The following ARID1B variants were observed in gnomAD, a reference collection of about 807,000 sequenced individuals.
ARID1B encodes AT-rich interactive domain-containing protein 1B.
A neutral mutation model predicts 212.3 loss-of-function variants in ARID1B; 30 were observed. The observed-to-expected ratio is 0.14, with a 90% confidence interval of 0.11 to 0.19. The LOEUF (loss-of-function observed/expected upper bound fraction) is 0.19, where lower values mean the gene tolerates loss of function less well. Ranked by LOEUF, ARID1B falls within the 10% of genes least tolerant of loss-of-function variation. ARID1B has a pLI of 1.00. For synonymous variants in ARID1B, 1,402 were observed against 1,301.7 expected (o/e 1.08, Z -1.66); for missense variants, 2,891 against 3,204.0 (o/e 0.90, Z 2.36).
intron 4 of ARID1B, among the ~76,000 whole-genome samples, chr6:157,061,372 GA>G (rs1247647408): frequency 2.6e-5 from 4 of 152,132 alleles, no homozygotes; most frequent in African/African-American, 9.7e-5. Flanking sequence ...GAATGGTACG[GA>G]GCACATGGAA....
intron 2 of ARID1B, among the ~76,000 whole-genome samples, chr6:156,829,957 G>A (rs1043292487): frequency 1.1e-4 from 17 of 152,022 alleles, no homozygotes; most frequent in African/African-American, 3.4e-4. Flanking sequence ...GATTTGATGT[G>A]CATCTGTTTT....
chr6:156,927,573 T>C (rs377402101), intron 3 of ARID1B, among the ~76,000 whole-genome samples: 1 of 152,186 alleles, frequency 6.6e-6, no homozygotes, highest in African/African-American at 2.4e-5. Context: ...TTCCAGTATA[T>C]TTTTACTGCA....
At chr6:157,100,606 G>T (rs1196103727) in intron 5 of ARID1B, among the ~76,000 whole-genome samples, 1 of 152,224 alleles carries the variant, frequency 6.6e-6, no homozygotes, top group Non-Finnish European at 1.5e-5. Flanking sequence ...TAGGACATTT[G>T]TTGAATGTAT....
chr6:156,931,167 G>A (rs1791678615), intron 3 of ARID1B, among the ~76,000 whole-genome samples: 1 of 133,790 alleles, frequency 7.5e-6, no homozygotes, highest in South Asian at 2.3e-4. Flanking sequence ...CTACAGCCTG[G>A]ACTACAGAGC....
chr6:157,056,541 G>A (rs375385464), intron 4 of ARID1B, among the ~76,000 whole-genome samples: 19 of 152,196 alleles, frequency 1.2e-4, no homozygotes, highest in Admixed American at 8.5e-4. Flanking sequence ...AGGATGTGCT[G>A]CGTTTCTGTT....
chr6:156,812,933 G>GGTGTGT (rs71027314), intron 1 of ARID1B, among the ~76,000 whole-genome samples: 34 of 89,428 alleles, frequency 3.8e-4, no homozygotes, highest in Middle Eastern at 5.9e-3. Flanking sequence ...TATAATCCTG[G>GGTGTGT]GTGTGTGTGT....
chr6:156,841,541 C>T (rs1307178427), intron 2 of ARID1B, among the ~76,000 whole-genome samples: 1 of 152,094 alleles, frequency 6.6e-6, no homozygotes, highest in Non-Finnish European at 1.5e-5. Context: ...GAGAAGTTGC[C>T]TCTGGATGAC....
At chr6:156,959,045 G>A (rs540644127) in intron 4 of ARID1B, among the ~76,000 whole-genome samples, 24 of 152,314 alleles carry the variant, frequency 1.6e-4, no homozygotes, top group Non-Finnish European at 2.8e-4. Flanking sequence ...AAGATTACAG[G>A]AAGGTTATTA....
intron 2 of ARID1B, among the ~76,000 whole-genome samples, chr6:156,865,566 C>CT (rs1396073254): frequency 6.6e-6 from 1 of 152,138 alleles, no homozygotes; most frequent in Non-Finnish European, 1.5e-5. Context: ...CCCACGTACT[C>CT]TGGCTCAATT....
intron 2 of ARID1B, among the ~76,000 whole-genome samples, chr6:156,897,504 C>G (rs944078516): frequency 6.6e-6 from 1 of 151,706 alleles, no homozygotes; most frequent in Non-Finnish European, 1.5e-5. Context: ...GAACTCCTGA[C>G]CTCAGTTGAT....
At chr6:156,874,360 G>A (rs558842671) in intron 2 of ARID1B, among the ~76,000 whole-genome samples, 2 of 152,290 alleles carry the variant, frequency 1.3e-5, no homozygotes, top group East Asian at 3.9e-4. Context: ...GAGCCACTGC[G>A]CTCAGCCATT....
At chr6:157,109,806 C>G (rs938454852) in intron 5 of ARID1B, among the ~76,000 whole-genome samples, 3 of 152,084 alleles carry the variant, frequency 2.0e-5, no homozygotes, top group East Asian at 1.9e-4. Flanking sequence ...AGATTCCTGT[C>G]TTAAGGAGTT....
rs138780995 is a variant in ARID1B at position 157,203,266 on chromosome 6, G to T, written c.5264-600G>T. Among the ~76,000 whole-genome samples, 720 of 152,258 alleles carry T rather than the reference G, an allele frequency of 4.7e-3. 3 individuals are homozygous for T. The highest frequency in any genetic ancestry group is 0.016 in the African/African-American group (673 of 41,534). On this transcript the variant is annotated intron_variant, in intron 18 of 19. Coordinates refer to ENST00000636930, the MANE Select transcript of ARID1B (RefSeq NM_001374828.1). The surrounding 1 kb of genome is among the most constrained non-coding windows in gnomAD (Gnocchi z 4.4). ...AAAACAACAAATTACTTCCCATTCT[G>T]TGGCTCCAGCCATACTCCTGAGAAA...
At chr6:156,973,284 A>AT (rs1237124518) in intron 4 of ARID1B, among the ~76,000 whole-genome samples, 4 of 151,604 alleles carry the variant, frequency 2.6e-5, no homozygotes, top group African/African-American at 7.3e-5. Flanking sequence ...CTTTTTTTTT[A>AT]TTTTTTGGTA....
At chr6:157,108,733 T>C (rs1393117933) in intron 5 of ARID1B, among the ~76,000 whole-genome samples, 1 of 152,328 alleles carries the variant, frequency 6.6e-6, no homozygotes, top group East Asian at 1.9e-4. Context: ...TAGTACTAAT[T>C]TACTACAAAT....
In ARID1B at chr6:156,971,598, T is replaced by C. The variant is rs73576098; in HGVS notation, c.2247+36022T>C. On this transcript the variant is annotated intron_variant, in intron 4 of 19. Coordinates refer to ENST00000636930, the MANE Select transcript of ARID1B (RefSeq NM_001374828.1). The stretch of plus-strand genomic sequence containing the variant: ...TATGGCTCAGGAATCTGGGCAGGCA[T>C]ACTGAATTCTCTGCCCAGAATCTCC... Among the ~76,000 whole-genome samples the C allele has an allele frequency of 3.6e-3, 552 of 152,286 alleles. 6 individuals are homozygous for C. The highest frequency in any genetic ancestry group is 0.012 in the African/African-American group (517 of 41,564).
At chr6:157,197,188 T>C (rs1046820756) in intron 16 of ARID1B, among the ~76,000 whole-genome samples, 1 of 152,194 alleles carries the variant, frequency 6.6e-6, no homozygotes, top group Non-Finnish European at 1.5e-5. Flanking sequence ...TAAGCAAGGT[T>C]TTCATATAAT....
chr6:157,075,568 C>A (rs1349694374), intron 4 of ARID1B, among the ~76,000 whole-genome samples: 1 of 152,180 alleles, frequency 6.6e-6, no homozygotes, highest in Admixed American at 6.5e-5. Flanking sequence ...CTTAGTGACT[C>A]CCTTCATGAG....
chr6:157,208,978 G>A lies in ARID1B; in HGVS notation c.*1087G>A, dbSNP rs893200736. The A allele has an allele frequency of 4.3e-6, 1 of 229,886 alleles. No individual in the cohort carries two copies. The highest frequency in any genetic ancestry group is 8.6e-6 in the Non-Finnish European group (1 of 116,308). The allele number at this position is 229,886 out of a possible 1,614,324, so 14.2% of individuals were successfully genotyped here. A position where few individuals can be genotyped will look rare whatever the true frequency, so the allele number is the denominator to read the frequency against. Reference sequence around the variant, plus strand: ...AATTTGCTTCATGAATCAAGGTGTGGAAATGGTTATATATGGATTGATTTA... The same window carrying A: ...AATTTGCTTCATGAATCAAGGTGTGAAAATGGTTATATATGGATTGATTTA... On this transcript the variant is annotated 3_prime_UTR_variant, in exon 20 of 20. Transcript: ENST00000636930.
Sources: gnomAD v4.1 joint callset for allele counts (sites outside exome capture counted in the v4.1 genomes callset) on GRCh38, gnomAD v4.1.1 for gene constraint, Gnocchi (gnomAD v3.1) non-coding constraint, MANE v1.5 for transcripts, NCBI Gene and HGNC (gene_info 2026-07-23, HGNC 2026-07-21) for gene names.